ARHGAP6: variants seen among roughly 807,000 people sequenced by gnomAD.
ARHGAP6 encodes the protein Rho GTPase activating protein 6, also known as rho GTPase-activating protein 6.
Under a neutral mutation model 55.7 loss-of-function variants are expected in ARHGAP6, and 16 were observed. The ratio of observed to expected loss-of-function variants is 0.29; its 90% CI spans 0.19 to 0.44. The LOEUF is 0.44. Among genes scored for constraint, ARHGAP6 ranks in the 20% least tolerant of loss-of-function variants. ARHGAP6 has a pLI of 1.00. For missense variants in ARHGAP6, 698 were observed against 808.9 expected (o/e 0.86, Z 1.66); for synonymous variants, 382 against 360.9 (o/e 1.06, Z -0.66).
chrX:11,339,625 T>A (rs982170955), intron 1 of ARHGAP6, among the ~76,000 whole-genome samples: 1 of 110,919 alleles, frequency 9.0e-6, no homozygotes, highest in Non-Finnish European at 1.9e-5. Context: ...TATCAAAATA[T>A]AATAATATAT....
chrX:11,369,078 C>A (rs904839059), intron 1 of ARHGAP6, among the ~76,000 whole-genome samples: 1 of 111,581 alleles, frequency 9.0e-6, no homozygotes, highest in Admixed American at 9.5e-5. Context: ...ACTATTCTCC[C>A]GGGTCCCTTG....
intron 9 of ARHGAP6, among the ~76,000 whole-genome samples, chrX:11,167,897 T>C (rs1223328736): frequency 8.9e-6 from 1 of 112,162 alleles, no homozygotes; most frequent in African/African-American, 3.2e-5. Flanking sequence ...GAGTCAATTA[T>C]TAATTCAACA....
intron 1 of ARHGAP6, among the ~76,000 whole-genome samples, chrX:11,347,541 G>T (rs774878421): frequency 1.7e-4 from 19 of 112,210 alleles, no homozygotes; most frequent in South Asian, 3.7e-4. Flanking sequence ...TCTTGCCCTT[G>T]AACTGTGGTA....
intron 1 of ARHGAP6, among the ~76,000 whole-genome samples, chrX:11,398,420 T>A (rs1159726991): frequency 1.8e-5 from 2 of 111,284 alleles, no homozygotes; most frequent in East Asian, 5.6e-4. Flanking sequence ...TTTTCAGAGT[T>A]TAAACAAATC....
At chrX:11,520,131 T>TTA (rs1160731443) in intron 1 of ARHGAP6, among the ~76,000 whole-genome samples, 859 of 18,206 alleles carry the variant, frequency 0.047, 92 homozygotes, top group Non-Finnish European at 0.059. Flanking sequence ...AGAATTGATT[T>TTA]TATATATATA....
intron 1 of ARHGAP6, among the ~76,000 whole-genome samples, chrX:11,505,745 G>C (rs2050725533): frequency 9.0e-6 from 1 of 111,429 alleles, no homozygotes; most frequent in Non-Finnish European, 1.9e-5. Context: ...CATGTCCTTT[G>C]CCGGGACATG....
chrX:11,508,533 G>A (rs982995689), intron 1 of ARHGAP6, among the ~76,000 whole-genome samples: 2 of 110,770 alleles, frequency 1.8e-5, no homozygotes, highest in African/African-American at 6.6e-5. Context: ...CACTAAGTCC[G>A]TCTTTCCATT....
At chrX:11,423,434 G>A (rs982369507) in intron 1 of ARHGAP6, among the ~76,000 whole-genome samples, 1 of 112,386 alleles carries the variant, frequency 8.9e-6, no homozygotes, top group Non-Finnish European at 1.9e-5. Flanking sequence ...GGCACTTCTG[G>A]TGAGTTCCTT....
chrX:11,506,040 A>G lies in ARHGAP6; in HGVS notation c.588+158201T>C, dbSNP rs146740888. On this transcript the variant is annotated intron_variant, in intron 1 of 12. Transcript: ENST00000337414. ...GCACATGTACCCCTGAACCTAAAAT[A>G]AAAGTTAAAAAAAGAACACAGAAGA... Among the ~76,000 whole-genome samples, 12 of 111,288 alleles carry G rather than the reference A, an allele frequency of 1.1e-4. No homozygotes were observed. The East Asian group carries it at 3.4e-3, about 32-fold the overall frequency.
intron 1 of ARHGAP6, among the ~76,000 whole-genome samples, chrX:11,588,528 C>T (rs769479562): frequency 1.2e-4 from 14 of 112,451 alleles, no homozygotes; most frequent in African/African-American, 4.5e-4. Flanking sequence ...AACTATCCAT[C>T]ACCTGAAAAA....
chrX:11,491,725 A>G (rs1344349583), intron 1 of ARHGAP6, among the ~76,000 whole-genome samples: 3 of 111,194 alleles, frequency 2.7e-5, no homozygotes, highest in African/African-American at 6.6e-5. Flanking sequence ...TTGGGTGTAT[A>G]CCCAGTAATG....
At chrX:11,539,627 C>T (rs991798095) in intron 1 of ARHGAP6, among the ~76,000 whole-genome samples, 5 of 111,847 alleles carry the variant, frequency 4.5e-5, no homozygotes, top group Admixed American at 1.9e-4. Flanking sequence ...ACCCAGACCA[C>T]AGCTCCCACT....
intron 8 of ARHGAP6, among the ~76,000 whole-genome samples, chrX:11,177,517 A>C (rs1332164564): frequency 9.0e-6 from 1 of 111,221 alleles, no homozygotes; most frequent in East Asian, 2.8e-4. Context: ...GATCAGACCC[A>C]GTTTCCTCCA....
chrX:11,557,331 C>T (rs1000104745), intron 1 of ARHGAP6, among the ~76,000 whole-genome samples: 2 of 111,668 alleles, frequency 1.8e-5, no homozygotes, highest in African/African-American at 6.5e-5. Flanking sequence ...GATAGCAACC[C>T]CAATGCTGCA....
intron 12 of ARHGAP6, among the ~76,000 whole-genome samples, chrX:11,140,687 A>G (rs1456762077): frequency 2.7e-5 from 3 of 110,742 alleles, no homozygotes; most frequent in South Asian, 3.8e-4. Flanking sequence ...GTACTGGGAC[A>G]GTGAGGGAGA....
intron 1 of ARHGAP6, among the ~76,000 whole-genome samples, chrX:11,520,863 G>A (rs2050916458): frequency 8.9e-6 from 1 of 111,977 alleles, no homozygotes; most frequent in Non-Finnish European, 1.9e-5. Context: ...TCTAACTGGT[G>A]TGAGATGGTA....
chrX:11,358,793 T>C, intron 1 of ARHGAP6, among the ~76,000 whole-genome samples: 1 of 111,968 alleles, frequency 8.9e-6, no homozygotes, highest in African/African-American at 3.2e-5. Flanking sequence ...TAACTATATC[T>C]TAATTGTTTT....
At chrX:11,622,097 A>C in intron 1 of ARHGAP6, among the ~76,000 whole-genome samples, 1 of 112,227 alleles carries the variant, frequency 8.9e-6, no homozygotes, top group Non-Finnish European at 1.9e-5. Flanking sequence ...AAGACTGTTT[A>C]ACACCCACAG....
chrX:11,182,570 C>T, intron 5 of ARHGAP6, among the ~76,000 whole-genome samples: 1 of 110,040 alleles, frequency 9.1e-6, no homozygotes, highest in African/African-American at 3.3e-5. Flanking sequence ...TTTAGAAATA[C>T]CTGATGCAGA....
Sources: allele counts gnomAD v4.1 joint callset (sites outside exome capture counted in the v4.1 genomes callset), GRCh38; gene constraint gnomAD v4.1.1; transcripts MANE v1.5; gene names NCBI Gene and HGNC (gene_info 2026-07-23, HGNC 2026-07-21).